BRD10: variants seen among roughly 807,000 people sequenced by gnomAD.
BRD10 encodes bromodomain containing 10.
chr9:5,950,957 C>A, the BRD10 span, among the ~76,000 whole-genome samples: 2 of 151,230 alleles, frequency 1.3e-5, no homozygotes, highest in African/African-American at 4.9e-5. Flanking sequence ...ATGTTTAGTA[C>A]GGACACATTT....
At chr9:5,936,332 G>T in the BRD10 span, among the ~76,000 whole-genome samples, 1 of 152,138 alleles carries the variant, frequency 6.6e-6, no homozygotes, top group African/African-American at 2.4e-5. Context: ...TCTTGCCTGG[G>T]TGACAGAGTG....
At chr9:5,973,572 C>A in the BRD10 span, among the ~76,000 whole-genome samples, 1 of 152,120 alleles carries the variant, frequency 6.6e-6, no homozygotes. Context: ...ACCAAAGAAA[C>A]ACAAATCAAT....
chr9:5,908,970 A>G, the BRD10 span: 1 of 409,900 alleles, frequency 2.4e-6, no homozygotes, highest in African/African-American at 2.1e-5. Context: ...TAATGTTAGT[A>G]AATCCATGGT....
the BRD10 span, chr9:5,906,920 A>T: frequency 1.3e-6 from 2 of 1,597,404 alleles, no homozygotes; most frequent in Non-Finnish European, 1.7e-6. Context: ...AATGTGCCTT[A>T]ACAAGAAGAT....
At chr9:5,986,301 T>C in the BRD10 span, among the ~76,000 whole-genome samples, 1 of 152,204 alleles carries the variant, frequency 6.6e-6, no homozygotes, top group Non-Finnish European at 1.5e-5. Flanking sequence ...AATGACATGA[T>C]CTAATTCCTT....
At chr9:5,889,285 T>C in the BRD10 span, among the ~76,000 whole-genome samples, 1 of 152,212 alleles carries the variant, frequency 6.6e-6, no homozygotes, top group East Asian at 1.9e-4. Flanking sequence ...CATATTCACC[T>C]GACCTCTCAT....
chr9:5,913,841 A>C, the BRD10 span: 25 of 254,926 alleles, frequency 9.8e-5, no homozygotes, highest in Non-Finnish European at 2.3e-5. Context: ...TTACAGTTCA[A>C]AGAAATGGTC....
At chr9:5,908,656 C>G in the BRD10 span, 1 of 1,614,062 alleles carries the variant, frequency 6.2e-7, no homozygotes, top group Non-Finnish European at 8.5e-7. Context: ...AATGCTCCAC[C>G]TGCTTATGAG....
At chr9:5,999,744 T>C in the BRD10 span, among the ~76,000 whole-genome samples, 5 of 152,212 alleles carry the variant, frequency 3.3e-5, no homozygotes, top group African/African-American at 9.6e-5. Flanking sequence ...TATGGTGTTC[T>C]TATTGCCTGA....
the BRD10 span, among the ~76,000 whole-genome samples, chr9:5,967,391 G>T: frequency 6.6e-6 from 1 of 152,068 alleles, no homozygotes; most frequent in East Asian, 1.9e-4. Context: ...TGTTTAAATA[G>T]GCTGTTGACA....
chr9:5,968,651 C>A, the BRD10 span: 1 of 1,613,882 alleles, frequency 6.2e-7, no homozygotes, highest in South Asian at 1.1e-5. Context: ...GCTATCTCTG[C>A]TACATCTATG....
the BRD10 span, chr9:5,897,596 C>G: frequency 6.2e-7 from 1 of 1,614,052 alleles, no homozygotes; most frequent in Non-Finnish European, 8.5e-7. Flanking sequence ...TCCTGGGAGT[C>G]TTACTGCTCA....
chr9:5,944,687 G>T, the BRD10 span, among the ~76,000 whole-genome samples: 2 of 152,024 alleles, frequency 1.3e-5, no homozygotes, highest in African/African-American at 4.8e-5. Context: ...CCCCTGGCAC[G>T]ATTTCTGTCT....
chr9:5,944,395 A>T, the BRD10 span, among the ~76,000 whole-genome samples: 1 of 152,086 alleles, frequency 6.6e-6, no homozygotes, highest in Admixed American at 6.6e-5. Context: ...TTAAAAAAAA[A>T]CTTTCAGCAG....
chr9:5,945,592 G>C, the BRD10 span, among the ~76,000 whole-genome samples: 2 of 151,892 alleles, frequency 1.3e-5, no homozygotes, highest in African/African-American at 2.4e-5. Flanking sequence ...CATTTCACCT[G>C]GTAACATTGG....
the BRD10 span, chr9:5,923,204 T>A: frequency 6.2e-7 from 1 of 1,614,014 alleles, no homozygotes; most frequent in Non-Finnish European, 8.5e-7. Flanking sequence ...GGACTGTCGT[T>A]TAAGTGTTTT....
At chr9:5,992,725 T>C in the BRD10 span, among the ~76,000 whole-genome samples, 2 of 152,098 alleles carry the variant, frequency 1.3e-5, no homozygotes, top group Non-Finnish European at 1.5e-5. Flanking sequence ...CCTTTTTTTT[T>C]TTTTAACACA....
chr9:5,963,589 C>A, the BRD10 span, among the ~76,000 whole-genome samples: 1 of 151,796 alleles, frequency 6.6e-6, no homozygotes, highest in African/African-American at 2.4e-5. Flanking sequence ...AAAGAGCCTG[C>A]ATCACCAAGT....
chr9:5,987,396 C>T, the BRD10 span, among the ~76,000 whole-genome samples: 1 of 152,098 alleles, frequency 6.6e-6, no homozygotes, highest in East Asian at 1.9e-4. Flanking sequence ...CCTTCCTTTT[C>T]TTCAATTCTC....
Sources: allele counts gnomAD v4.1 joint callset (sites outside exome capture counted in the v4.1 genomes callset), GRCh38; gene constraint gnomAD v4.1.1; transcripts MANE v1.5; gene names NCBI Gene and HGNC (gene_info 2026-07-23, HGNC 2026-07-21).